The following PCDHA2 variants were observed in gnomAD, a reference collection of about 807,000 sequenced individuals.
The protein encoded by PCDHA2 is protocadherin alpha-2.
In PCDHA2, 58 loss-of-function variants were observed where a neutral mutation model predicts 66.0. The observed-to-expected ratio is 0.88, with a 90% confidence interval of 0.71 to 1.09. PCDHA2 has a LOEUF of 1.09. PCDHA2 is among the 50% of genes least tolerant of loss of function. PCDHA2 has a pLI of 0.00. For missense variants in PCDHA2, 1,267 were observed against 1,242.3 expected (o/e 1.02, Z -0.30); for synonymous variants, 634 against 554.0 (o/e 1.14, Z -2.03).
At chr5:140,995,000 T>A (rs149795080) in intron 3 of PCDHA2, among the ~76,000 whole-genome samples, 1 of 152,328 alleles carries the variant, frequency 6.6e-6, no homozygotes, top group African/African-American at 2.4e-5. Flanking sequence ...GTTAGTTGGT[T>A]TGTTTATATT....
At chr5:140,797,409 T>A in intron 1 of PCDHA2, 57 bp downstream of exon 1, 2 of 1,527,102 alleles carry the variant, frequency 1.3e-6, no homozygotes, top group Non-Finnish European at 1.8e-6. Flanking sequence ...AAAAATTCTA[T>A]ATGATTTCTA....
intron 1 of PCDHA2, chr5:140,817,742 C>T (rs2150098917): frequency 5.3e-5 from 8 of 152,172 alleles, no homozygotes; most frequent in Non-Finnish European, 7.3e-5. Context: ...TTTCTGGGAT[C>T]ATTTTCCTTC....
intron 1 of PCDHA2, chr5:140,927,491 T>G (rs2084266726): frequency 1.2e-6 from 2 of 1,614,118 alleles, no homozygotes; most frequent in Non-Finnish European, 1.7e-6. Flanking sequence ...GCCACCCACC[T>G]GCTGGTGCTT....
Position 140,848,595 on chromosome 5 carries a change from T to C in PCDHA2, c.2388+51243T>C, listed in dbSNP as rs2150413668. The C allele has an allele frequency of 1.4e-5, 23 of 1,594,356 alleles. 3 individuals are homozygous for C. The highest frequency in any genetic ancestry group is 1.8e-5 in the Non-Finnish European group (21 of 1,164,532). Reference sequence around the variant, plus strand: ...GGTGGGGAGCGGCCAGCTCCACTACTCCGTCCCGGAGGAAGCCGAACACGG... The same window carrying C: ...GGTGGGGAGCGGCCAGCTCCACTACCCCGTCCCGGAGGAAGCCGAACACGG... On this transcript the variant is annotated intron_variant, in intron 1 of 3. Coordinates refer to ENST00000526136, the MANE Select transcript of PCDHA2 (RefSeq NM_018905.3).
chr5:140,853,975 C>A, intron 1 of PCDHA2: 1 of 594,170 alleles, frequency 1.7e-6, no homozygotes, highest in Non-Finnish European at 2.2e-6. Flanking sequence ...CAGTTTGAGA[C>A]CAATGTAGTG....
intron 1 of PCDHA2, among the ~76,000 whole-genome samples, chr5:140,890,244 C>T (rs1404459938): frequency 6.6e-6 from 1 of 152,052 alleles, no homozygotes; most frequent in Non-Finnish European, 1.5e-5. Flanking sequence ...TTTACCAGTA[C>T]ACTACTGCAC....
intron 1 of PCDHA2, among the ~76,000 whole-genome samples, chr5:140,937,679 G>A (rs1357548421): frequency 5.9e-5 from 9 of 151,884 alleles, no homozygotes; most frequent in African/African-American, 1.9e-4. Context: ...TTGGGAGGCT[G>A]AGGCAGGCGG....
chr5:140,809,492 C>T, intron 1 of PCDHA2: 1 of 1,614,240 alleles, frequency 6.2e-7, no homozygotes, highest in Non-Finnish European at 8.5e-7. Context: ...CAAGACCGAC[C>T]TCATGGCCTT....
chr5:140,869,028 G>T, intron 1 of PCDHA2: 1 of 1,526,584 alleles, frequency 6.6e-7, no homozygotes, highest in Middle Eastern at 1.8e-4. Context: ...AATTCAACGA[G>T]ATTTTTAACC....
chr5:140,968,635 T>C, intron 1 of PCDHA2: 1 of 1,614,190 alleles, frequency 6.2e-7, no homozygotes, highest in East Asian at 2.2e-5. Context: ...TTTTTTACCA[T>C]CTAGCCCAGA....
At position 140,851,650 on chromosome 5, in the gene PCDHA2, G is replaced by C. The variant is rs1324719591; in HGVS notation, c.2388+54298G>C. The C allele has an allele frequency of 4.4e-6, 4 of 912,450 alleles. No homozygotes were observed. The African/African-American group carries it at 7.2e-5, about 16-fold the overall frequency. 56.5% of individuals were successfully genotyped at this position (912,450 alleles called of 1,614,324 possible). ...AACAAGTGTTTCCTTTCTTCAAGAA[G>C]ACATTCTCCTTTTAATTGAAATTTT... On this transcript the variant is annotated intron_variant, in intron 1 of 3. Transcript: ENST00000526136.
At chr5:140,861,303 GA>G in intron 1 of PCDHA2, 1 of 189,594 alleles carries the variant, frequency 5.3e-6, no homozygotes. Context: ...TGTGAAGCGG[GA>G]AAGGACCAGT....
rs201435940 is a variant in PCDHA2, at chr5:140,871,358, A to G, written c.2388+74006A>G. On this transcript the variant is annotated intron_variant, in intron 1 of 3. Transcript: ENST00000526136. The stretch of plus-strand genomic sequence containing the variant: ...GTGGGGAGCTGGTCATACTCGCAGC[A>G]GAGGCGGCAGAGGGTGTGCTCTGAG... 13 of 1,614,208 alleles carry G rather than the reference A, an allele frequency of 8.1e-6. No homozygotes were observed. In the East Asian group the frequency reaches 2.9e-4, roughly 36 times the overall value.
chr5:140,821,010 C>A (rs1020612182), intron 1 of PCDHA2, among the ~76,000 whole-genome samples: 1 of 151,734 alleles, frequency 6.6e-6, no homozygotes, highest in Non-Finnish European at 1.5e-5. Flanking sequence ...AGGTTTTCAT[C>A]GATTTGAAAA....
chr5:140,980,102 C>A (rs782586995), intron 2 of PCDHA2, among the ~76,000 whole-genome samples: 1 of 152,192 alleles, frequency 6.6e-6, no homozygotes, highest in Non-Finnish European at 1.5e-5. Flanking sequence ...GGTAAGATGT[C>A]ACATTGGAAC....
chr5:141,003,273 G>A (rs782391603), intron 3 of PCDHA2, among the ~76,000 whole-genome samples: 5 of 152,214 alleles, frequency 3.3e-5, no homozygotes, highest in Admixed American at 6.5e-5. Context: ...TAAGGGAAGT[G>A]CCCAAATTGG....
chr5:140,833,120 T>G (rs1772308754), intron 1 of PCDHA2, among the ~76,000 whole-genome samples: 3 of 152,202 alleles, frequency 2.0e-5, no homozygotes, highest in Non-Finnish European at 4.4e-5. Context: ...TCAAAGTCAT[T>G]TGAAAGCTGT....
At chr5:140,931,396 G>C (rs1554208395) in intron 1 of PCDHA2, among the ~76,000 whole-genome samples, 1 of 152,000 alleles carries the variant, frequency 6.6e-6, no homozygotes, top group Non-Finnish European at 1.5e-5. Flanking sequence ...ATAAGTAAGC[G>C]ATAGGAAGGC....
At position 140,795,293 on chromosome 5, in the gene PCDHA2, T is replaced by C. The variant is rs1460117742; in HGVS notation, c.329T>C (p.Val110Ala). 5.0e-6 allele frequency: 8 copies of C among 1,614,082 alleles called. No individual in the cohort carries two copies. In the Admixed American group the frequency reaches 6.7e-5, roughly 13 times the overall value. ...AECSIHVEVI[V>A]DRPLQVFHVE... ...TGTAGCATCCACGTGGAGGTGATCG[T>C]GGACAGGCCGCTGCAGGTTTTCCAT... The change falls in exon 1 of 4, where the codon GTG becomes GCG. Residue 110 changes from valine to alanine, a missense_variant. Transcript: ENST00000526136.
Sources: gnomAD v4.1 joint callset for allele counts (sites outside exome capture counted in the v4.1 genomes callset) on GRCh38, gnomAD v4.1.1 for gene constraint, MANE v1.5 for transcripts, NCBI Gene and HGNC (gene_info 2026-07-23, HGNC 2026-07-21) for gene names.